The following ITFG1 variants were observed in gnomAD, a reference collection of about 807,000 sequenced individuals.
ITFG1 encodes the protein T-cell immunomodulatory protein.
In ITFG1, 34 loss-of-function variants were observed where a neutral mutation model predicts 81.8. The ratio of observed to expected loss-of-function variants is 0.42; its 90% CI spans 0.32 to 0.55. The LOEUF is 0.55. Ranked by LOEUF, ITFG1 falls within the 20% of genes least tolerant of loss-of-function variation. The pLI, the probability that ITFG1 is intolerant of heterozygous loss-of-function variation, is 0.17. For missense variants in ITFG1, 672 were observed against 755.4 expected (o/e 0.89, Z 1.29); for synonymous variants, 285 against 270.6 (o/e 1.05, Z -0.52).
chr16:47,272,718 T>C (rs770042526), intron 10 of ITFG1, among the ~76,000 whole-genome samples: 1 of 151,938 alleles, frequency 6.6e-6, no homozygotes, highest in Non-Finnish European at 1.5e-5. Flanking sequence ...TAAAAGCCAC[T>C]AAATTGTATA....
intron 5 of ITFG1, among the ~76,000 whole-genome samples, chr16:47,444,291 A>C (rs1969294106): frequency 6.6e-6 from 1 of 152,214 alleles, no homozygotes. Flanking sequence ...TCATTAATTA[A>C]CTTACAGCAA....
At chr16:47,298,589 T>C (rs949414380) in intron 10 of ITFG1, among the ~76,000 whole-genome samples, 3 of 152,176 alleles carry the variant, frequency 2.0e-5, no homozygotes, top group Non-Finnish European at 4.4e-5. Context: ...AAAATAGCTT[T>C]AATGTGGTGG....
At chr16:47,181,620 C>T (rs184610663) in intron 14 of ITFG1, among the ~76,000 whole-genome samples, 16,082 of 151,098 alleles carry the variant, frequency 0.11, 1,136 homozygotes, top group Non-Finnish European at 0.14. Flanking sequence ...CGCCTCTGCC[C>T]GGCCGCCCCT....
intron 14 of ITFG1, among the ~76,000 whole-genome samples, chr16:47,199,125 T>C (rs980329557): frequency 6.6e-6 from 1 of 151,822 alleles, no homozygotes; most frequent in African/African-American, 2.4e-5. Context: ...AATACAAAAA[T>C]TACCCGGGCA....
chr16:47,402,527 C>T (rs972365234), intron 6 of ITFG1, among the ~76,000 whole-genome samples: 2 of 152,158 alleles, frequency 1.3e-5, no homozygotes, highest in African/African-American at 2.4e-5. Context: ...AACCATTGCT[C>T]CCCACAGCAT....
Position 47,308,669 on chromosome 16 carries a change from A to C in ITFG1, c.1070+2571T>G, listed in dbSNP as rs566590390. ...GCCATTTTCTTCCCAGCATTAACTA[A>C]CAGGCAATATATTACATTTGGCCAT... On this transcript the variant is annotated intron_variant, in intron 10 of 17. Transcript: ENST00000320640. Among the ~76,000 whole-genome samples, 9 of 152,352 alleles carry C rather than the reference A, an allele frequency of 5.9e-5. No individual in the cohort carries two copies. In the South Asian group the frequency reaches 1.9e-3, roughly 32 times the overall value.
At chr16:47,326,048 T>C (rs1413962606) in intron 8 of ITFG1, among the ~76,000 whole-genome samples, 1 of 152,180 alleles carries the variant, frequency 6.6e-6, no homozygotes, top group Non-Finnish European at 1.5e-5. Flanking sequence ...CCAATATCCT[T>C]GATGAACATT....
intron 10 of ITFG1, 137 bp downstream of exon 10, chr16:47,311,103 A>G (rs1967252211): frequency 1.9e-6 from 1 of 534,180 alleles, no homozygotes; most frequent in Non-Finnish European, 3.0e-6. Flanking sequence ...AAATTTAAAA[A>G]CAGGAACTGA....
At chr16:47,459,525 A>G (rs537478846) in intron 1 of ITFG1, among the ~76,000 whole-genome samples, 5 of 152,312 alleles carry the variant, frequency 3.3e-5, no homozygotes, top group African/African-American at 1.2e-4. Context: ...GTCTTCCCCG[A>G]ATCTAGCAAT....
intron 14 of ITFG1, among the ~76,000 whole-genome samples, chr16:47,212,511 G>A (rs1376957625): frequency 2.0e-5 from 3 of 152,258 alleles, no homozygotes; most frequent in Middle Eastern, 6.8e-3. Context: ...GCCATCCATC[G>A]CACTCTACCA....
Position 47,440,908 on chromosome 16 carries a change from C to T in ITFG1, c.560+10488G>A, listed in dbSNP as rs545278916. 2.2e-3 allele frequency among the ~76,000 whole-genome samples: 340 copies of T among 151,868 alleles called. 14 individuals are homozygous for T. In the South Asian group the frequency reaches 0.042, roughly 19 times the overall value. ...TCAATGAATCCAGGAGCTGGTTTTT[C>T]GAAAAGATCAACAAAACTGATAGAC... On this transcript the variant is annotated intron_variant, in intron 5 of 17. Transcript: ENST00000320640.
At chr16:47,307,110 A>AAG in intron 10 of ITFG1, among the ~76,000 whole-genome samples, 1 of 147,874 alleles carries the variant, frequency 6.8e-6, no homozygotes, top group Admixed American at 6.7e-5. Context: ...AAAAAAAAAA[A>AAG]AAAAAAAAAA....
intron 6 of ITFG1, among the ~76,000 whole-genome samples, chr16:47,411,412 C>T (rs933659927): frequency 6.6e-6 from 1 of 152,130 alleles, no homozygotes; most frequent in Non-Finnish European, 1.5e-5. Flanking sequence ...CAGAAGGAGA[C>T]TGGTGGAGGG....
chr16:47,196,616 T>A (rs1362023576), intron 14 of ITFG1: 2 of 152,150 alleles, frequency 1.3e-5, no homozygotes, highest in Non-Finnish European at 2.9e-5. Context: ...TTTGCTGTAC[T>A]CCCTCCCTTT....
chr16:47,293,131 A>C (rs1417414313), intron 10 of ITFG1, among the ~76,000 whole-genome samples: 2 of 147,196 alleles, frequency 1.4e-5, no homozygotes, highest in Admixed American at 1.4e-4. Flanking sequence ...CAAGCATGAT[A>C]TATAATATAT....
chr16:47,215,684 C>T (rs905943088), intron 14 of ITFG1, among the ~76,000 whole-genome samples: 2 of 152,154 alleles, frequency 1.3e-5, no homozygotes, highest in Non-Finnish European at 1.5e-5. Context: ...AACGCACATA[C>T]AATTTGGATT....
chr16:47,264,831 T>C (rs986798355), intron 10 of ITFG1, among the ~76,000 whole-genome samples: 1 of 152,204 alleles, frequency 6.6e-6, no homozygotes, highest in African/African-American at 2.4e-5. Flanking sequence ...ATTCTTCTGA[T>C]GATGACAGCA....
chr16:47,186,390 C>T (rs1035900682), intron 14 of ITFG1, among the ~76,000 whole-genome samples: 2 of 152,134 alleles, frequency 1.3e-5, no homozygotes, highest in African/African-American at 4.8e-5. Flanking sequence ...AATCCAGCAA[C>T]ACATCAAAAA....
rs968078989 is a variant in ITFG1 at position 47,175,404 on chromosome 16, A to C, written c.1454-12740T>G. On this transcript the variant is annotated intron_variant, in intron 14 of 17. Transcript: ENST00000320640. ...TTAATTTTAATTAAATAAACAAGAA[A>C]AGTGAAGCTAAGACTCTGAAAGAAA... Among the ~76,000 whole-genome samples the C allele has an allele frequency of 3.3e-5, 5 of 151,796 alleles. No homozygotes were observed. The East Asian group carries it at 9.6e-4, about 29-fold the overall frequency.
Sources: gnomAD v4.1 joint callset for allele counts (sites outside exome capture counted in the v4.1 genomes callset) on GRCh38, gnomAD v4.1.1 for gene constraint, MANE v1.5 for transcripts, NCBI Gene and HGNC (gene_info 2026-07-23, HGNC 2026-07-21) for gene names.